The following ZNF485 variants were observed in gnomAD, a reference collection of about 807,000 sequenced individuals.
The protein encoded by ZNF485 is Zinc finger protein 93 (Zinc finger protein HTF34).
Under a neutral mutation model 10.8 loss-of-function variants are expected in ZNF485, and 9 were observed. The ratio of observed to expected loss-of-function variants is 0.83; its 90% CI spans 0.50 to 1.45. The LOEUF is 1.45. ZNF485 is among the 40% of genes most tolerant of loss of function. ZNF485 has a pLI of 0.00. For synonymous variants in ZNF485, 187 were observed against 181.0 expected, an observed-to-expected ratio of 1.03 and a Z score of -0.27; for missense variants, 487 against 528.0, an observed-to-expected ratio of 0.92 and a Z score of 0.76.
intron 2 of ZNF485, chr10:43,607,364 G>A (rs1463441029): frequency 5.5e-6 from 3 of 541,044 alleles, no homozygotes; most frequent in South Asian, 4.6e-5. Context: ...AAGACATAGG[G>A]TGATAGCAGT....
chr10:43,616,974 T>C lies in ZNF485; in HGVS notation c.931T>C (p.Ser311Pro). Residue 311 changes from serine (S) to proline (P), a missense_variant, in exon 5 of 5, where the codon TCA becomes CCA. Physicochemically the swap from Ser to Pro is moderately conservative, Grantham distance 74 (BLOSUM62 -1). Coordinates refer to ENST00000361807, the MANE Select transcript of ZNF485 (RefSeq NM_145312.4). ...NECGKAFRKS[S>P]TLISHQRMHT... ...ATGTGGAAAAGCCTTTAGGAAGAGC[T>C]CAACTCTTATTAGTCACCAAAGAAT... is the stretch of plus-strand genomic sequence containing the variant. 1 of 1,614,124 alleles carries C rather than the reference T, an allele frequency of 6.2e-7. No homozygotes were observed. The highest frequency in any genetic ancestry group is 8.5e-7 in the Non-Finnish European group (1 of 1,180,034).
intron 4 of ZNF485, among the ~76,000 whole-genome samples, chr10:43,614,124 A>G (rs1478746521): frequency 6.6e-6 from 1 of 151,984 alleles, no homozygotes; most frequent in Non-Finnish European, 1.5e-5. Flanking sequence ...CTAAGACAGG[A>G]GAATCACTCG....
At chr10:43,608,832 TAAATG>T in intron 3 of ZNF485, 92 bp downstream of exon 3, 2 of 1,504,240 alleles carry the variant, frequency 1.3e-6, no homozygotes, top group Admixed American at 4.1e-5. Flanking sequence ...GAAAAAATCT[TAAATG>T]ATGTGCTTTT....
rs1838890364 is a variant in ZNF485, at chr10:43,617,570, GCTAA to G, written c.*202_*205del. On this transcript the variant is annotated 3_prime_UTR_variant, in exon 5 of 5. Transcript: ENST00000361807. Reference sequence around the variant, plus strand: ...TGGAAGTAGTTATAGCATACTGTGTGCTAATTGAAAAGAATGAGGTGGAGCTGTA... The same window carrying G: ...TGGAAGTAGTTATAGCATACTGTGTGTTGAAAAGAATGAGGTGGAGCTGTA... 2.1e-6 allele frequency: 1 copy of G among 485,768 alleles called. No homozygotes were observed. The highest frequency in any genetic ancestry group is 3.6e-6 in the Non-Finnish European group (1 of 279,002). The allele number at this position is 485,768 out of a possible 1,614,324, so 30.1% of individuals were successfully genotyped here. A position where few individuals can be genotyped will look rare whatever the true frequency, so the allele number is the denominator to read the frequency against.
chr10:43,606,920 G>A, intron 1 of ZNF485, 77 bp from the exon 2 acceptor site: 2 of 1,152,246 alleles, frequency 1.7e-6, no homozygotes, highest in Non-Finnish European at 2.5e-6. Flanking sequence ...GGGCGGGCGG[G>A]GACCTGGTCT....
In ZNF485 at chr10:43,616,419, A is replaced by C; in HGVS notation, c.376A>C (p.Thr126Pro). Reference sequence around the variant, plus strand: ...CCTGGACTGGGAGGGCAGAAGCTCCACAGAGAAGAACTATAAGTGCAAGGA... The same window carrying C: ...CCTGGACTGGGAGGGCAGAAGCTCCCCAGAGAAGAACTATAAGTGCAAGGA... ...KGLDWEGRSS[T>P]EKNYKCKECG... Residue 126 changes from threonine to proline, a missense_variant, in exon 5 of 5, where the codon ACA becomes CCA. Coordinates refer to ENST00000361807, the MANE Select transcript of ZNF485 (RefSeq NM_145312.4). 1 of 1,614,188 alleles carries C rather than the reference A, an allele frequency of 6.2e-7. No individual in the cohort carries two copies. Among genetic ancestry groups the C allele is most frequent in the East Asian group, 2.2e-5 (1 of 44,888 alleles).
chr10:43,615,800 CT>C (rs1320393617), intron 4 of ZNF485, among the ~76,000 whole-genome samples: 1 of 152,024 alleles, frequency 6.6e-6, no homozygotes, highest in Non-Finnish European at 1.5e-5. Flanking sequence ...TTTCTGTTTT[CT>C]TTTTTCCACT....
chr10:43,612,864 G>T (rs1447551309), intron 4 of ZNF485, among the ~76,000 whole-genome samples: 1 of 151,788 alleles, frequency 6.6e-6, no homozygotes, highest in African/African-American at 2.4e-5. Context: ...CTTTCCTTGG[G>T]TTTATTTACT....
At chr10:43,615,652 T>A (rs1411020082) in intron 4 of ZNF485, among the ~76,000 whole-genome samples, 1 of 152,210 alleles carries the variant, frequency 6.6e-6, no homozygotes, top group African/African-American at 2.4e-5. Flanking sequence ...TCCACCCGTC[T>A]CGGCCTCCCA....
intron 2 of ZNF485, 73 bp downstream of exon 2, chr10:43,607,147 C>A (rs2132344887): frequency 1.3e-6 from 2 of 1,521,502 alleles, no homozygotes; most frequent in South Asian, 1.2e-5. Context: ...CTTGCCCGGA[C>A]AATGCCCTGC....
intron 1 of ZNF485, 112 bp downstream of exon 1, chr10:43,606,658 G>T: frequency 3.1e-6 from 1 of 321,148 alleles, no homozygotes; most frequent in South Asian, 5.0e-5. Flanking sequence ...GGAGGGGAAG[G>T]CGGCGGTGGG....
At chr10:43,609,202 C>T (rs1381135075) in intron 3 of ZNF485, 53 bp from the exon 4 acceptor site, 3 of 1,422,346 alleles carry the variant, frequency 2.1e-6, no homozygotes, top group Non-Finnish European at 3.0e-6. Context: ...CATCACATTC[C>T]TTTTCATTCA....
intron 4 of ZNF485, among the ~76,000 whole-genome samples, chr10:43,615,399 G>A (rs964119352): frequency 2.0e-5 from 3 of 151,226 alleles, no homozygotes; most frequent in African/African-American, 7.4e-5. Context: ...CCATTGATTG[G>A]TAATTTTTTT....
intron 4 of ZNF485, 50 bp downstream of exon 4, chr10:43,609,400 C>T (rs572954841): frequency 8.2e-6 from 12 of 1,454,782 alleles, no homozygotes; most frequent in Admixed American, 3.6e-5. Context: ...CGGAGCAGTA[C>T]GGGGGTTCCT....
intron 4 of ZNF485, among the ~76,000 whole-genome samples, chr10:43,613,782 A>G (rs1274254849): frequency 6.6e-6 from 1 of 152,160 alleles, no homozygotes; most frequent in Non-Finnish European, 1.5e-5. Flanking sequence ...CTCCTTCATC[A>G]GTGTGTGAGA....
chr10:43,611,656 T>A (rs182476713), intron 4 of ZNF485, among the ~76,000 whole-genome samples: 6 of 152,346 alleles, frequency 3.9e-5, no homozygotes, highest in Admixed American at 1.3e-4. Flanking sequence ...TTATAGCTTG[T>A]CAGCAGTGTC....
chr10:43,615,477 C>T (rs1050941127), intron 4 of ZNF485, among the ~76,000 whole-genome samples: 1 of 152,146 alleles, frequency 6.6e-6, no homozygotes, highest in Non-Finnish European at 1.5e-5. Context: ...TCTCAGCTCA[C>T]TGCAACTTCT....
chr10:43,616,019 G>T (rs1202427330), intron 4 of ZNF485, among the ~76,000 whole-genome samples: 1 of 151,908 alleles, frequency 6.6e-6, no homozygotes, highest in African/African-American at 2.4e-5. Context: ...TTCCTGTGTT[G>T]TCTTCCTAAC....
At chr10:43,613,527 T>C (rs1276349068) in intron 4 of ZNF485, among the ~76,000 whole-genome samples, 5 of 152,358 alleles carry the variant, frequency 3.3e-5, no homozygotes, top group African/African-American at 1.2e-4. Flanking sequence ...ATGCTGGTGC[T>C]GTGGGGCTGG....
Sources: gnomAD v4.1 joint callset for allele counts (sites outside exome capture counted in the v4.1 genomes callset) on GRCh38, gnomAD v4.1.1 for gene constraint, MANE v1.5 for transcripts, NCBI Gene and HGNC (gene_info 2026-07-23, HGNC 2026-07-21) for gene names.